GRM7: variants seen among roughly 807,000 people sequenced by gnomAD.
The protein encoded by GRM7 is glutamate metabotropic receptor 7, also known as metabotropic glutamate receptor 7.
In GRM7, 35 loss-of-function variants were observed where a neutral mutation model predicts 84.5. The observed-to-expected ratio is 0.41, with a 90% CI of 0.32 to 0.55. The LOEUF is 0.55. Ranked by LOEUF, GRM7 falls within the 20% of genes least tolerant of loss-of-function variation. GRM7 has a pLI of 0.19. For synonymous variants in GRM7, 487 were observed against 455.1 expected (o/e 1.07, Z -0.89); for missense variants, 1,003 against 1,194.6 (o/e 0.84, Z 2.36).
intron 1 of GRM7, among the ~76,000 whole-genome samples, chr3:7,069,051 A>G (rs1052886577): frequency 6.8e-6 from 1 of 147,742 alleles, no homozygotes. Flanking sequence ...ATGATGATAT[A>G]CATAATTTTA....
chr3:7,346,050 CTAAT>C (rs1461393352), intron 4 of GRM7, among the ~76,000 whole-genome samples: 2 of 152,064 alleles, frequency 1.3e-5, no homozygotes, highest in Non-Finnish European at 2.9e-5. Flanking sequence ...GAGTTAGTCT[CTAAT>C]TAAGCTATTT....
At chr3:7,229,759 A>ATATATTTTTTTTTT (rs1434216248) in intron 2 of GRM7, among the ~76,000 whole-genome samples, 2 of 30,436 alleles carry the variant, frequency 6.6e-5, no homozygotes, top group African/African-American at 2.5e-4. Context: ...ATATATATAT[A>ATATATTTTTTTTTT]TTTTTTTTTT....
At chr3:6,976,490 A>G (rs1694003478) in intron 1 of GRM7, among the ~76,000 whole-genome samples, 1 of 152,214 alleles carries the variant, frequency 6.6e-6, no homozygotes, top group African/African-American at 2.4e-5. Flanking sequence ...TTATTGTTCC[A>G]GTGTTACCTG....
intron 1 of GRM7, among the ~76,000 whole-genome samples, chr3:6,887,930 G>A (rs1695766379): frequency 6.6e-6 from 1 of 152,178 alleles, no homozygotes; most frequent in Non-Finnish European, 1.5e-5. Context: ...ATTCTAACTG[G>A]TGTGAGATAG....
intron 2 of GRM7, among the ~76,000 whole-genome samples, chr3:7,220,218 A>C (rs577969810): frequency 4.6e-5 from 7 of 152,338 alleles, no homozygotes; most frequent in Admixed American, 2.0e-4. Flanking sequence ...CTTTTCAAAG[A>C]AGACTGCCTG....
intron 1 of GRM7, among the ~76,000 whole-genome samples, chr3:6,964,498 C>T (rs1266630624): frequency 2.0e-5 from 3 of 152,132 alleles, no homozygotes; most frequent in African/African-American, 7.2e-5. Context: ...GTGACTTGTC[C>T]TACTTCTCAG....
intron 7 of GRM7, among the ~76,000 whole-genome samples, chr3:7,487,454 C>T (rs994927539): frequency 1.3e-5 from 2 of 152,212 alleles, no homozygotes; most frequent in Non-Finnish European, 1.5e-5. Context: ...CCTAGGAGAA[C>T]AAAATGGTTT....
At chr3:7,599,420 T>G (rs1176870383) in intron 8 of GRM7, among the ~76,000 whole-genome samples, 1 of 152,142 alleles carries the variant, frequency 6.6e-6, no homozygotes, top group African/African-American at 2.4e-5. Flanking sequence ...GTGGAAATAT[T>G]TTTAAGCTTT....
chr3:7,419,092 CT>C (rs1461841989), intron 5 of GRM7, among the ~76,000 whole-genome samples: 1 of 152,028 alleles, frequency 6.6e-6, no homozygotes, highest in Non-Finnish European at 1.5e-5. Flanking sequence ...ATCTTTTTGT[CT>C]GTGTCAGTCC....
At chr3:7,454,555 A>C (rs1194460093) in intron 6 of GRM7, among the ~76,000 whole-genome samples, 1 of 152,226 alleles carries the variant, frequency 6.6e-6, no homozygotes, top group East Asian at 1.9e-4. Context: ...ATAAGGCTGA[A>C]GACAAAATAA....
chr3:7,202,709 T>A (rs1306052415), intron 2 of GRM7, among the ~76,000 whole-genome samples: 2 of 152,192 alleles, frequency 1.3e-5, no homozygotes, highest in Non-Finnish European at 2.9e-5. Context: ...ATTTTGAACT[T>A]TATTGAAGAT....
At chr3:7,519,134 T>C (rs1269590686) in intron 7 of GRM7, among the ~76,000 whole-genome samples, 2 of 152,182 alleles carry the variant, frequency 1.3e-5, no homozygotes, top group Non-Finnish European at 1.5e-5. Context: ...TCACTATATA[T>C]TTACTGCTCT....
intron 2 of GRM7, among the ~76,000 whole-genome samples, chr3:7,215,357 G>A (rs1386755339): frequency 6.6e-6 from 1 of 152,054 alleles, no homozygotes; most frequent in African/African-American, 2.4e-5. Flanking sequence ...CTTGTTTGAA[G>A]TGATATTAAA....
chr3:7,205,100 T>C (rs1157869308), intron 2 of GRM7, among the ~76,000 whole-genome samples: 2 of 152,078 alleles, frequency 1.3e-5, no homozygotes, highest in Non-Finnish European at 2.9e-5. Flanking sequence ...AAGACTAGGG[T>C]TTTAGGCTTC....
At chr3:7,006,085 T>TC (rs1021457128) in intron 1 of GRM7, among the ~76,000 whole-genome samples, 1 of 152,126 alleles carries the variant, frequency 6.6e-6, no homozygotes, top group African/African-American at 2.4e-5. Flanking sequence ...TTAACAACCT[T>TC]CCCCCCTCCT....
At chr3:7,227,644 A>T (rs1051112346) in intron 2 of GRM7, among the ~76,000 whole-genome samples, 4 of 152,242 alleles carry the variant, frequency 2.6e-5, no homozygotes, top group African/African-American at 9.6e-5. Context: ...CATAAAAACC[A>T]CATAAGAAGA....
intron 1 of GRM7, among the ~76,000 whole-genome samples, chr3:7,080,229 A>G (rs1314383843): frequency 6.6e-6 from 1 of 152,046 alleles, no homozygotes. Context: ...GACTTTTTCC[A>G]AAGTCTCAAT....
Position 7,578,513 on chromosome 3 carries a change from A to C in GRM7, c.1607A>C (p.Gln536Pro). The C allele has an allele frequency of 6.2e-7, 1 of 1,614,014 alleles. No homozygotes were observed. Among genetic ancestry groups the C allele is most frequent in the Admixed American group, 1.7e-5 (1 of 60,020 alleles). ...AAGCCAGGACAGAGAAAGAAGACAC[A>C]GAAAGGAACTCCTTGCTGTTGGACC... ...PCKPGQRKKT[Q>P]KGTPCCWTCE... The change falls in exon 8 of 10, where the codon CAG becomes CCG. Residue 536 changes from glutamine (Q) to proline (P), a missense_variant. Gln to Pro is a moderately conservative substitution (Grantham distance 76, BLOSUM62 -1). Transcript: ENST00000357716.
At chr3:7,076,495 A>G (rs992846183) in intron 1 of GRM7, among the ~76,000 whole-genome samples, 9 of 152,264 alleles carry the variant, frequency 5.9e-5, no homozygotes, top group Non-Finnish European at 1.2e-4. Flanking sequence ...TGTAAGATGC[A>G]CTTGCTTCCC....
Sources: gnomAD v4.1 joint callset for allele counts (sites outside exome capture counted in the v4.1 genomes callset) on GRCh38, gnomAD v4.1.1 for gene constraint, MANE v1.5 for transcripts, NCBI Gene and HGNC (gene_info 2026-07-23, HGNC 2026-07-21) for gene names.